The following AP3S2 variants were observed in gnomAD, a reference collection of about 807,000 sequenced individuals.
AP3S2 encodes the protein AP-3 complex subunit sigma-2.
A neutral mutation model predicts 23.4 loss-of-function variants in AP3S2; 22 were observed. The observed-to-expected ratio is 0.94, with a 90% CI of 0.67 to 1.34. AP3S2 has a LOEUF of 1.34. Ranked by LOEUF, AP3S2 falls within the 40% of genes most tolerant of loss-of-function variation. The pLI, the probability that AP3S2 is intolerant of heterozygous loss-of-function variation, is 0.00. For missense variants in AP3S2, 241 were observed against 236.9 expected, an observed-to-expected ratio of 1.02 and a Z score of -0.11; for synonymous variants, 86 against 87.1, an observed-to-expected ratio of 0.99 and a Z score of 0.07.
chr15:89,873,923 C>G (rs1401484533), intron 3 of AP3S2, among the ~76,000 whole-genome samples: 2 of 138,736 alleles, frequency 1.4e-5, no homozygotes, highest in Non-Finnish European at 3.0e-5. Flanking sequence ...CTCTGTCACC[C>G]AGGCTGGAGT....
chr15:89,888,699 C>T, intron 2 of AP3S2, 67 bp from the exon 3 acceptor site: 1 of 1,498,730 alleles, frequency 6.7e-7, no homozygotes. Flanking sequence ...AAACCTTGTG[C>T]CAAAGAATGA....
At chr15:89,841,683 A>C (rs1402674257) in intron 4 of AP3S2, among the ~76,000 whole-genome samples, 1 of 152,154 alleles carries the variant, frequency 6.6e-6, no homozygotes, top group African/African-American at 2.4e-5. Context: ...CTAGAGACTA[A>C]GGGTAAACGG....
chr15:89,881,260 A>G (rs1020256933), intron 3 of AP3S2, among the ~76,000 whole-genome samples: 1 of 152,210 alleles, frequency 6.6e-6, no homozygotes, highest in Non-Finnish European at 1.5e-5. Context: ...TGGGCCTTAC[A>G]GGCTGTAATA....
intron 3 of AP3S2, among the ~76,000 whole-genome samples, chr15:89,880,536 C>T (rs182466893): frequency 1.3e-5 from 2 of 151,954 alleles, no homozygotes; most frequent in African/African-American, 2.4e-5. Context: ...TAGCCAGGTG[C>T]GGTGGTGGGC....
rs1486245997 is a variant in AP3S2, at chr15:89,835,099, C to A, written c.*416G>T. 9.7e-6 allele frequency: 2 copies of A among 206,646 alleles called. No homozygotes were observed. Among genetic ancestry groups the A allele is most frequent in the African/African-American group, 2.3e-5 (1 of 43,610 alleles). 12.8% of individuals were successfully genotyped at this position (206,646 alleles called of 1,614,324 possible). ...CACAGGACCTCAGAAGTCTGTGGTGCTAAGGATGAAGACTCTACTCAGAGA... is the reference window on the plus strand; with the variant it reads ...CACAGGACCTCAGAAGTCTGTGGTGATAAGGATGAAGACTCTACTCAGAGA... On this transcript the variant is annotated 3_prime_UTR_variant, in exon 6 of 6. Transcript: ENST00000336418.
intron 4 of AP3S2, among the ~76,000 whole-genome samples, chr15:89,859,190 C>T (rs1384230589): frequency 6.7e-6 from 1 of 150,042 alleles, no homozygotes; most frequent in African/African-American, 2.4e-5. Context: ...TTTCTTCCTT[C>T]CTTCCCTCTC....
At position 89,884,931 on chromosome 15, in the gene AP3S2, G is replaced by A. The variant is rs181432838; in HGVS notation, c.273+3590C>T. Among the ~76,000 whole-genome samples, 286 of 152,276 alleles carry A rather than the reference G, an allele frequency of 1.9e-3. 3 individuals carry two copies. Among genetic ancestry groups the A allele is most frequent in the Middle Eastern group, 3.4e-3 (1 of 294 alleles). On this transcript the variant is annotated intron_variant, in intron 3 of 5. Coordinates refer to ENST00000336418, the MANE Select transcript of AP3S2 (RefSeq NM_005829.5). ...CAAAGTGCTGGGATCACAGGCGTGA[G>A]CCGCTGTGCCTGGCCCATCTTCCTT... is the stretch of plus-strand genomic sequence containing the variant.
chr15:89,840,528 A>G (rs1241302855), intron 4 of AP3S2, among the ~76,000 whole-genome samples: 1 of 152,102 alleles, frequency 6.6e-6, no homozygotes, highest in Non-Finnish European at 1.5e-5. Context: ...CCTGGGTTCA[A>G]GCGATTCTCC....
At chr15:89,842,997 T>C (rs1351446822) in intron 4 of AP3S2, among the ~76,000 whole-genome samples, 3 of 151,782 alleles carry the variant, frequency 2.0e-5, no homozygotes, top group South Asian at 4.2e-4. Context: ...TTTTTCTTTT[T>C]TTTTGAGACA....
chr15:89,843,640 A>C (rs757373713), intron 4 of AP3S2, among the ~76,000 whole-genome samples: 5 of 151,950 alleles, frequency 3.3e-5, no homozygotes, highest in Admixed American at 6.6e-5. Context: ...ATCTCAGAAA[A>C]AAACAAACAA....
At chr15:89,882,199 T>A (rs773703310) in intron 3 of AP3S2, among the ~76,000 whole-genome samples, 47 of 152,164 alleles carry the variant, frequency 3.1e-4, no homozygotes, top group Admixed American at 2.0e-4. Context: ...CCAGGCATTC[T>A]GTTTTTAGCA....
chr15:89,840,082 A>G lies in AP3S2; in HGVS notation c.346-2360T>C, dbSNP rs534079409. Among the ~76,000 whole-genome samples, 83 of 152,308 alleles carry G rather than the reference A, an allele frequency of 5.4e-4. 1 individual carries two copies. The highest frequency in any genetic ancestry group is 1.8e-3 in the African/African-American group (76 of 41,568). On this transcript the variant is annotated intron_variant, in intron 4 of 5. Coordinates refer to ENST00000336418, the MANE Select transcript of AP3S2 (RefSeq NM_005829.5). ...AAGAGGACAGTGGTGGCTATTGTTT[A>G]ATGTGTACAGAGGTGCTGTTTTGCA...
At chr15:89,878,946 C>A (rs555494980) in intron 3 of AP3S2, among the ~76,000 whole-genome samples, 1 of 152,188 alleles carries the variant, frequency 6.6e-6, no homozygotes, top group East Asian at 1.9e-4. Context: ...CGAGGTTTCA[C>A]CATGTTAGCC....
intron 4 of AP3S2, among the ~76,000 whole-genome samples, chr15:89,855,171 G>A (rs1009188545): frequency 1.1e-5 from 1 of 93,852 alleles, no homozygotes; most frequent in African/African-American, 3.9e-5. Flanking sequence ...TTTTCATTTT[G>A]TTCTGCACTA....
chr15:89,837,867 G>A (rs1174949630), intron 4 of AP3S2, 145 bp from the exon 5 acceptor site: 23 of 856,018 alleles, frequency 2.7e-5, no homozygotes, highest in Non-Finnish European at 4.1e-5. Flanking sequence ...CCCCTGCCCA[G>A]TGACACAACG....
intron 2 of AP3S2, 129 bp from the exon 3 acceptor site, chr15:89,888,761 T>G (rs1011079069): frequency 2.3e-5 from 25 of 1,066,918 alleles, no homozygotes; most frequent in Non-Finnish European, 2.9e-5. Context: ...AGGCCATTCT[T>G]ACTAGGTGAA....
At chr15:89,867,102 C>G (rs929992171) in intron 4 of AP3S2, among the ~76,000 whole-genome samples, 1 of 146,836 alleles carries the variant, frequency 6.8e-6, no homozygotes, top group African/African-American at 2.5e-5. Context: ...ACTGCCATCT[C>G]GGCTCACTGC....
At chr15:89,842,645 G>A (rs554050322) in intron 4 of AP3S2, among the ~76,000 whole-genome samples, 1 of 152,282 alleles carries the variant, frequency 6.6e-6, no homozygotes, top group East Asian at 1.9e-4. Context: ...ACGGAGTCTC[G>A]CTCTGTTGCC....
intron 4 of AP3S2, among the ~76,000 whole-genome samples, chr15:89,855,076 G>A (rs1204535852): frequency 1.4e-5 from 2 of 142,136 alleles, no homozygotes; most frequent in Non-Finnish European, 3.0e-5. Flanking sequence ...CGGCTTTGTG[G>A]AACAGAAAGG....
Sources: gnomAD v4.1 joint callset for allele counts (sites outside exome capture counted in the v4.1 genomes callset) on GRCh38, gnomAD v4.1.1 for gene constraint, MANE v1.5 for transcripts, NCBI Gene and HGNC (gene_info 2026-07-23, HGNC 2026-07-21) for gene names.